The following PCDH11X variants were observed in gnomAD, a reference collection of about 807,000 sequenced individuals.
PCDH11X encodes protocadherin 11 X-linked, also known as protocadherin-11 X-linked.
PCDH11X carries 18 observed loss-of-function variants against 53.3 expected under a neutral mutation model. The observed-to-expected ratio is 0.34, with a 90% confidence interval of 0.23 to 0.50. The LOEUF is 0.50. PCDH11X is among the 20% of genes least tolerant of loss of function. PCDH11X has a pLI of 0.98. For missense variants in PCDH11X, 570 were observed against 1,032.4 expected, an observed-to-expected ratio of 0.55 and a Z score of 6.14; for synonymous variants, 279 against 393.3, an observed-to-expected ratio of 0.71 and a Z score of 3.44.
rs1287320831 is a variant in PCDH11X, at chrX:92,263,208, A to G, written c.3144+65A>G. ...TTGTGTTTATACTGTGTGAAGCTAC[A>G]GTAGTTAGTCCATGGAGTTAAAACT... On this transcript the variant is annotated intron_variant, in intron 8 of 10. Transcript: ENST00000682573. 5.2e-6 allele frequency: 5 copies of G among 958,559 alleles called. No homozygotes were observed. The Admixed American group carries it at 8.5e-5, about 16-fold the overall frequency. 79.0% of individuals were successfully genotyped at this position (958,559 alleles called of 1,213,427 possible).
chrX:91,987,886 A>T (rs1460092810), intron 6 of PCDH11X, among the ~76,000 whole-genome samples: 3 of 111,093 alleles, frequency 2.7e-5, no homozygotes, highest in Admixed American at 9.6e-5. Context: ...TAAAAACTAT[A>T]AAAAACTCTC....
chrX:91,993,416 T>A (rs963404939), intron 6 of PCDH11X, among the ~76,000 whole-genome samples: 4 of 112,173 alleles, frequency 3.6e-5, no homozygotes, highest in African/African-American at 1.3e-4. Flanking sequence ...TTATTAACTT[T>A]CTCCTCACCT....
At chrX:92,519,709 C>T in intron 10 of PCDH11X, among the ~76,000 whole-genome samples, 1 of 103,894 alleles carries the variant, frequency 9.6e-6, no homozygotes, top group Non-Finnish European at 2.0e-5. Context: ...TAGTATACTT[C>T]ATTTCTTCAG....
intron 6 of PCDH11X, among the ~76,000 whole-genome samples, chrX:92,153,836 T>C (rs1005572410): frequency 2.8e-4 from 31 of 110,197 alleles, no homozygotes; most frequent in Middle Eastern, 4.6e-3. Flanking sequence ...AAAAACCAAG[T>C]GCTCTTGTCT....
At chrX:92,082,724 TA>T (rs2063881671) in intron 6 of PCDH11X, among the ~76,000 whole-genome samples, 1 of 111,407 alleles carries the variant, frequency 9.0e-6, no homozygotes, top group African/African-American at 3.3e-5. Flanking sequence ...CAAATTTCGT[TA>T]AGTTTGTTAA....
intron 10 of PCDH11X, among the ~76,000 whole-genome samples, chrX:92,501,727 A>G (rs890662917): frequency 9.0e-6 from 1 of 111,630 alleles, no homozygotes; most frequent in African/African-American, 3.3e-5. Context: ...ACCTCAAAAT[A>G]ATAAGAACCA....
intron 10 of PCDH11X, among the ~76,000 whole-genome samples, chrX:92,608,421 T>G (rs1237461899): frequency 2.8e-5 from 3 of 107,448 alleles, no homozygotes; most frequent in Non-Finnish European, 5.8e-5. Context: ...GTCATTTTTC[T>G]AGCTTTGTGA....
intron 6 of PCDH11X, among the ~76,000 whole-genome samples, chrX:92,060,148 A>G (rs762680109): frequency 2.8e-5 from 3 of 108,385 alleles, no homozygotes; most frequent in Non-Finnish European, 1.9e-5. Context: ...ATGAACTCCC[A>G]ATTTAAAAAT....
intron 10 of PCDH11X, among the ~76,000 whole-genome samples, chrX:92,520,226 AT>A (rs66767343): frequency 0.016 from 1,684 of 103,282 alleles, 16 homozygotes; most frequent in Non-Finnish European, 0.017. Flanking sequence ...AATCTCTCAG[AT>A]TTTTTTTTTT....
At chrX:92,438,933 G>T (rs1032047362) in intron 9 of PCDH11X, among the ~76,000 whole-genome samples, 12 of 110,968 alleles carry the variant, frequency 1.1e-4, no homozygotes, top group Non-Finnish European at 2.3e-4. Flanking sequence ...ATTAATATGG[G>T]TGAGAAAAAG....
intron 9 of PCDH11X, among the ~76,000 whole-genome samples, chrX:92,419,700 A>C (rs1374888026): frequency 9.9e-5 from 1 of 10,066 alleles, no homozygotes; most frequent in Non-Finnish European, 1.6e-4. Flanking sequence ...TTTTTTTTTG[A>C]GATGATTCTC....
At chrX:92,058,533 G>A (rs2063484077) in intron 6 of PCDH11X, among the ~76,000 whole-genome samples, 2 of 111,704 alleles carry the variant, frequency 1.8e-5, no homozygotes, top group African/African-American at 6.5e-5. Context: ...CTGCTTGTAT[G>A]TATTTGTTTA....
intron 8 of PCDH11X, among the ~76,000 whole-genome samples, chrX:92,326,625 T>TATATATATATATATATATATATA (rs1198560382): frequency 5.1e-4 from 26 of 50,798 alleles, no homozygotes; most frequent in African/African-American, 3.0e-3. Flanking sequence ...TAATAAACTA[T>TATATATATATATATATATATATA]ATATATATAT....
chrX:91,796,176 T>G (rs1404311560), intron 1 of PCDH11X, among the ~76,000 whole-genome samples: 2 of 111,851 alleles, frequency 1.8e-5, no homozygotes, highest in Non-Finnish European at 3.8e-5. Context: ...GAATGAAAAT[T>G]TATCTTACAT....
At chrX:92,466,012 T>C (rs1174067238) in intron 9 of PCDH11X, among the ~76,000 whole-genome samples, 1 of 111,307 alleles carries the variant, frequency 9.0e-6, no homozygotes, top group Non-Finnish European at 1.9e-5. Context: ...ACTATCGTTT[T>C]TAAATTTATT....
chrX:92,045,688 C>A (rs2063276014), intron 6 of PCDH11X, among the ~76,000 whole-genome samples: 1 of 103,974 alleles, frequency 9.6e-6, no homozygotes, highest in South Asian at 4.7e-4. Context: ...GCCTGTAATC[C>A]CAGCACTTTC....
intron 6 of PCDH11X, among the ~76,000 whole-genome samples, chrX:92,133,097 T>A (rs912775415): frequency 1.4e-4 from 16 of 111,005 alleles, no homozygotes; most frequent in Non-Finnish European, 2.6e-4. Context: ...TGCACATTCG[T>A]TTATATATGA....
intron 9 of PCDH11X, chrX:92,460,913 G>A: frequency 9.2e-7 from 1 of 1,087,902 alleles, no homozygotes; most frequent in African/African-American, 1.8e-5. Flanking sequence ...ATGGCAAAGT[G>A]GTGTCTGAGA....
chrX:92,614,396 G>A (rs1419840910), intron 10 of PCDH11X, among the ~76,000 whole-genome samples: 10 of 105,709 alleles, frequency 9.5e-5, no homozygotes, highest in Admixed American at 4.1e-4. Context: ...GTGAATGCTG[G>A]GTATGGTCAC....
Sources: allele counts gnomAD v4.1 joint callset (sites outside exome capture counted in the v4.1 genomes callset), GRCh38; gene constraint gnomAD v4.1.1; transcripts MANE v1.5; gene names NCBI Gene and HGNC (gene_info 2026-07-23, HGNC 2026-07-21).